Variants in F5 observed in about 807,000 individuals in gnomAD.
F5 encodes coagulation factor V, also known as activated protein c cofactor.
F5 carries 138 observed loss-of-function variants against 216.4 expected under a neutral mutation model. The observed-to-expected ratio is 0.64, with a 90% CI of 0.56 to 0.73. The LOEUF (loss-of-function observed/expected upper bound fraction) is 0.73, where lower values mean the gene tolerates loss of function less well. Ranked by LOEUF, F5 falls within the 30% of genes least tolerant of loss-of-function variation. The probability of loss-of-function intolerance (pLI) is 0.00; values close to 1 mark genes in which losing one functional copy is unlikely to be tolerated. For synonymous variants in F5, 916 were observed against 930.7 expected (o/e 0.98, Z 0.29); for missense variants, 2,403 against 2,674.0 (o/e 0.90, Z 2.24).
chr1:169,515,355 C>A, intron 24 of F5, 89 bp downstream of exon 24: 1 of 1,437,548 alleles, frequency 7.0e-7, no homozygotes, highest in East Asian at 2.3e-5. Context: ...TGGTACATGT[C>A]ACTGCATATT....
rs1222885370 is a variant in F5, at chr1:169,544,176, C to T, written c.1975+120G>A. On this transcript the variant is annotated intron_variant, in intron 12 of 24. Coordinates refer to ENST00000367797, the MANE Select transcript of F5 (RefSeq NM_000130.5). Reference sequence around the variant, plus strand: ...ATCATGAGAAACATTGAAAGAAAAGCCTGCAGGGGGTCAGGGAGATACATA... The same window carrying T: ...ATCATGAGAAACATTGAAAGAAAAGTCTGCAGGGGGTCAGGGAGATACATA... 3.6e-5 allele frequency: 28 copies of T among 780,048 alleles called. No homozygotes were observed. The Admixed American group carries it at 5.3e-4, about 15-fold the overall frequency. 48.3% of individuals were successfully genotyped at this position (780,048 alleles called of 1,614,324 possible).
At chr1:169,528,795 A>G (rs927540390) in intron 16 of F5, among the ~76,000 whole-genome samples, 1 of 152,178 alleles carries the variant, frequency 6.6e-6, no homozygotes, top group African/African-American at 2.4e-5. Flanking sequence ...GTGTTACCAA[A>G]CGTTTAACTG....
Position 169,525,939 on chromosome 1 carries a change from C to G in F5, c.5678G>C (p.Arg1893Thr). The change falls in exon 18 of 25, where the codon AGA becomes ACA. Residue 1893 changes from arginine to threonine, a missense_variant. Around this residue, in one of 4 missense-constraint regions of F5, gnomAD observed 659 missense variants for 787.9 expected, o/e 0.84. Coordinates refer to ENST00000367797, the MANE Select transcript of F5 (RefSeq NM_000130.5). Reference protein sequence around the residue: ...LLNTEVGENQRAGMQTPFLIM... With the variant: ...LLNTEVGENQTAGMQTPFLIM... ...AAGAAATGGCGTTTGCATCCCTGCTCTCTGGTTTTCTCCAACCTCTGTGTT... is the reference window on the plus strand; with the variant it reads ...AAGAAATGGCGTTTGCATCCCTGCTGTCTGGTTTTCTCCAACCTCTGTGTT... The G allele has an allele frequency of 6.2e-7, 1 of 1,613,334 alleles. No homozygotes were observed.
intron 3 of F5, among the ~76,000 whole-genome samples, chr1:169,568,474 C>G (rs1660657996): frequency 6.6e-6 from 1 of 151,908 alleles, no homozygotes; most frequent in South Asian, 2.1e-4. Context: ...AAAATACAAA[C>G]AGCTATTAAG....
rs865947251 is a variant in F5 at position 169,556,687 on chromosome 1, C to T, written c.911G>A (p.Gly304Glu). ...TTANMTVGPE[G>E]KWIISSLTPK... ...GGTGAGAGAAGATATGATCCACTTT[C>T]CCTCTGGGCCCACAGTCATATTTGC... Residue 304 changes from glycine to glutamate, a missense_variant, in exon 6 of 25, where the codon GGA becomes GAA. Transcript: ENST00000367797. 1.9e-5 allele frequency: 30 copies of T among 1,613,916 alleles called. No individual in the cohort carries two copies. Among genetic ancestry groups the T allele is most frequent in the Non-Finnish European group, 2.4e-5 (28 of 1,180,002 alleles).
chr1:169,542,562 T>C lies in F5; in HGVS notation c.2528A>G (p.Asp843Gly), dbSNP rs2101819960. Residue 843 changes from aspartate (D) to glycine (G), a missense_variant, in exon 13 of 25, where the codon GAT becomes GGT. Physicochemically the swap from Asp to Gly is moderately conservative, Grantham distance 94. Coordinates refer to ENST00000367797, the MANE Select transcript of F5 (RefSeq NM_000130.5). ...EDPIEDPLQP[D>G]VTGIRLLSLG... ...TGAAAGTAGACGTATCCCTGTGACA[T>C]CTGGCTGTAGAGGATCCTCTATAGG... 1 of 1,614,044 alleles carries C rather than the reference T, an allele frequency of 6.2e-7. No individual in the cohort carries two copies. Among genetic ancestry groups the C allele is most frequent in the East Asian group, 2.2e-5 (1 of 44,862 alleles).
At chr1:169,523,756 T>C (rs758403579) in intron 20 of F5, 45 bp downstream of exon 20, 3 of 1,459,958 alleles carry the variant, frequency 2.1e-6, no homozygotes, top group Non-Finnish European at 9.6e-7. Flanking sequence ...CTTTCATTTT[T>C]ATTATTACGA....
chr1:169,528,080 T>C lies in F5; in HGVS notation c.5434A>G (p.Ile1812Val). 1.2e-6 allele frequency: 2 copies of C among 1,613,852 alleles called. No individual in the cohort carries two copies. The highest frequency in any genetic ancestry group is 1.7e-6 in the Non-Finnish European group (2 of 1,179,820). Residue 1812 changes from isoleucine to valine, a missense_variant, in exon 17 of 25, where the codon ATC becomes GTC. Coordinates refer to ENST00000367797, the MANE Select transcript of F5 (RefSeq NM_000130.5). Reference protein sequence around the residue: ...SHEFHAINGMIYSLPGLKMYE... With the variant: ...SHEFHAINGMVYSLPGLKMYE... ...ATTTTCAGGCCAGGCAAGCTGTAGA[T>C]CATCCCATTAATGGCTGAAAGGACA...
intron 3 of F5, among the ~76,000 whole-genome samples, chr1:169,561,052 C>A (rs1292937421): frequency 6.6e-6 from 1 of 152,102 alleles, no homozygotes; most frequent in Non-Finnish European, 1.5e-5. Flanking sequence ...TAAATATAAT[C>A]AGAGAATTGA....
chr1:169,562,251 T>A (rs1318249515), intron 3 of F5, among the ~76,000 whole-genome samples: 1 of 152,110 alleles, frequency 6.6e-6, no homozygotes, highest in African/African-American at 2.4e-5. Context: ...TAATTTGGCT[T>A]TTCTGTAATG....
intron 19 of F5, 144 bp from the exon 20 acceptor site, chr1:169,524,048 G>C: frequency 1.4e-6 from 1 of 707,088 alleles, no homozygotes; most frequent in Non-Finnish European, 2.5e-6. Context: ...CAGCTACTAG[G>C]CCAGTCCTTG....
chr1:169,542,985 G>A lies in F5; in HGVS notation c.2105C>T (p.Thr702Ile), dbSNP rs78958618. The change falls in exon 13 of 25, where the codon ACA becomes ATA. Residue 702 changes from threonine (T) to isoleucine (I), a missense_variant. By Grantham distance (89) the Thr-to-Ile change is moderately conservative. Coordinates refer to ENST00000367797, the MANE Select transcript of F5 (RefSeq NM_000130.5). The part of the protein sequence containing the change: ...SYEIFEPPES[T>I]VMATRKMHDR... ...ATGCATTTTCCGTGTAGCCATGACTGTAGATTCTGGAGGTTCAAAAATCTC... is the reference window on the plus strand; with the variant it reads ...ATGCATTTTCCGTGTAGCCATGACTATAGATTCTGGAGGTTCAAAAATCTC... The A allele has an allele frequency of 1.8e-3, 2,973 of 1,614,038 alleles. 50 individuals are homozygous for A. In the African/African-American group the frequency reaches 0.036, roughly 19 times the overall value.
At chr1:169,556,389 C>T (rs533109509) in intron 6 of F5, among the ~76,000 whole-genome samples, 5 of 109,016 alleles carry the variant, frequency 4.6e-5, no homozygotes, top group South Asian at 3.1e-4. Flanking sequence ...TTTCTTCTTT[C>T]GAGGAAGTTA....
chr1:169,556,515 G>C (rs1660333401), intron 6 of F5, 131 bp downstream of exon 6: 3 of 726,886 alleles, frequency 4.1e-6, no homozygotes, highest in Non-Finnish European at 7.0e-6. Flanking sequence ...ATCTAAGTTT[G>C]GTTGTTAGGA....
intron 7 of F5, among the ~76,000 whole-genome samples, chr1:169,553,842 T>C (rs549497578): frequency 3.8e-4 from 58 of 152,280 alleles, no homozygotes; most frequent in South Asian, 2.9e-3. Flanking sequence ...ACTTATACAC[T>C]CTTGGTGGAA....
intron 13 of F5, among the ~76,000 whole-genome samples, chr1:169,539,925 A>G (rs10800454): frequency 0.39 from 59,948 of 152,026 alleles, 12,861 homozygotes; most frequent in East Asian, 0.9. Context: ...ATCATATTTG[A>G]GTTTGGATTT....
In F5 at chr1:169,530,905, C is replaced by A; in HGVS notation, c.5089G>T (p.Asp1697Tyr). ...EDDSPEWFKE[D>Y]NAVQPNSSYT... ...CTGCTATTTGGCTGAACAGCATTAT[C>A]TTCCTTAAACCATTCAGGAGAGTCA... Residue 1697 changes from aspartate to tyrosine, a missense_variant, in exon 15 of 25, where the codon GAT becomes TAT. By Grantham distance (160) the Asp-to-Tyr change is radical. Around this residue, in one of 4 missense-constraint regions of F5, gnomAD observed 659 missense variants for 787.9 expected, o/e 0.84. Transcript: ENST00000367797. 1 of 1,613,930 alleles carries A rather than the reference C, an allele frequency of 6.2e-7. No homozygotes were observed. The highest frequency in any genetic ancestry group is 8.5e-7 in the Non-Finnish European group (1 of 1,179,844).
intron 7 of F5, among the ~76,000 whole-genome samples, chr1:169,554,486 T>C (rs1350964013): frequency 1.3e-5 from 2 of 152,252 alleles, no homozygotes; most frequent in African/African-American, 2.4e-5. Flanking sequence ...CCAGTCTTAC[T>C]ACTACTAACG....
intron 1 of F5, among the ~76,000 whole-genome samples, chr1:169,584,833 C>A (rs1010548930): frequency 4.6e-5 from 7 of 152,122 alleles, no homozygotes; most frequent in East Asian, 1.9e-4. Context: ...ACCAGAGGAA[C>A]GAATCTCCAG....
Sources: gnomAD v4.1 joint callset for allele counts (sites outside exome capture counted in the v4.1 genomes callset) on GRCh38, gnomAD v4.1.1 for gene constraint, gnomAD v4.1.1 regional missense constraint, MANE v1.5 for transcripts, NCBI Gene and HGNC (gene_info 2026-07-23, HGNC 2026-07-21) for gene names.